Variants in ME3 observed in about 807,000 individuals in gnomAD.
The protein encoded by ME3 is malic enzyme 3.
In ME3, 48 loss-of-function variants were observed where a neutral mutation model predicts 68.9. That is an observed-to-expected ratio of 0.70 (90% CI 0.55 to 0.89). ME3 has a LOEUF of 0.89. Among genes scored for constraint, ME3 ranks in the 40% least tolerant of loss-of-function variants. The probability of loss-of-function intolerance (pLI) is 0.00; values close to 1 mark genes in which losing one functional copy is unlikely to be tolerated. For synonymous variants in ME3, 320 were observed against 318.8 expected, an observed-to-expected ratio of 1.00 and a Z score of -0.04; for missense variants, 675 against 797.4, an observed-to-expected ratio of 0.85 and a Z score of 1.85.
intron 2 of ME3, among the ~76,000 whole-genome samples, chr11:86,626,240 T>C (rs1943658050): frequency 6.6e-6 from 1 of 152,116 alleles, no homozygotes; most frequent in African/African-American, 2.4e-5. Flanking sequence ...GAGAGTACAA[T>C]AGTGAGAGAA....
intron 2 of ME3, among the ~76,000 whole-genome samples, chr11:86,637,212 A>G (rs919739251): frequency 6.6e-6 from 1 of 152,184 alleles, no homozygotes; most frequent in African/African-American, 2.4e-5. Context: ...AACAAATACT[A>G]TGAAGCATCT....
chr11:86,479,316 C>T (rs556588627), intron 7 of ME3, among the ~76,000 whole-genome samples: 1 of 152,302 alleles, frequency 6.6e-6, no homozygotes, highest in South Asian at 2.1e-4. Context: ...AGCTTGCAGA[C>T]ACCATATCAT....
chr11:86,446,306 A>G lies in ME3; in HGVS notation c.1554+8T>C. 6.2e-7 allele frequency: 1 copy of G among 1,613,766 alleles called. No individual in the cohort carries two copies. ...TGCAAGCATTTGAGGGAGCAAGGAC[A>G]GTGATACCTCTGCTGTCAGGAGGAA... On this transcript the variant is annotated splice_region_variant and intron_variant, in intron 13 of 14. Transcript: ENST00000543262.
intron 10 of ME3, among the ~76,000 whole-genome samples, chr11:86,448,985 C>T (rs893696138): frequency 6.6e-6 from 1 of 152,140 alleles, no homozygotes; most frequent in African/African-American, 2.4e-5. Context: ...GCAGCTTACA[C>T]CTGTGGCCAG....
intron 2 of ME3, among the ~76,000 whole-genome samples, chr11:86,598,643 C>T (rs1454544339): frequency 6.6e-6 from 1 of 152,192 alleles, no homozygotes; most frequent in Admixed American, 6.5e-5. Flanking sequence ...GGGAAGACTG[C>T]CTCCTTAAGT....
chr11:86,475,874 T>TATATATAGAGAG, intron 7 of ME3, among the ~76,000 whole-genome samples: 108 of 91,462 alleles, frequency 1.2e-3, no homozygotes, highest in South Asian at 2.1e-3. Context: ...TATATATATA[T>TATATATAGAGAG]AGAGAGAGAG....
intron 2 of ME3, among the ~76,000 whole-genome samples, chr11:86,612,113 C>G (rs772478416): frequency 2.6e-5 from 4 of 152,098 alleles, no homozygotes; most frequent in Non-Finnish European, 4.4e-5. Context: ...CTCTCTGTAT[C>G]CATGTGTTCT....
chr11:86,570,534 A>T (rs1469704438), intron 2 of ME3, among the ~76,000 whole-genome samples: 1 of 152,228 alleles, frequency 6.6e-6, no homozygotes, highest in Non-Finnish European at 1.5e-5. Flanking sequence ...TGGGGATCTC[A>T]GAAACACAGC....
At chr11:86,590,199 A>T (rs182705731) in intron 2 of ME3, among the ~76,000 whole-genome samples, 1 of 152,300 alleles carries the variant, frequency 6.6e-6, no homozygotes, top group Non-Finnish European at 1.5e-5. Context: ...CAGCGTGGCC[A>T]TGCAGAGACT....
At chr11:86,469,298 A>G (rs918480998) in intron 7 of ME3, among the ~76,000 whole-genome samples, 2 of 152,196 alleles carry the variant, frequency 1.3e-5, no homozygotes, top group Non-Finnish European at 2.9e-5. Context: ...AGGTATTTCT[A>G]CAAGTCCAGA....
At chr11:86,668,738 G>A (rs1946730339) in intron 2 of ME3, among the ~76,000 whole-genome samples, 2 of 152,274 alleles carry the variant, frequency 1.3e-5, no homozygotes, top group South Asian at 4.2e-4. Context: ...TCCACCTCCT[G>A]ACCACCCTCT....
At chr11:86,546,413 C>T (rs976007785) in intron 4 of ME3, among the ~76,000 whole-genome samples, 47 of 152,250 alleles carry the variant, frequency 3.1e-4, no homozygotes, top group African/African-American at 1.1e-3. Context: ...GCAATCTATC[C>T]ATCTGACAAA....
intron 2 of ME3, among the ~76,000 whole-genome samples, chr11:86,608,756 C>T (rs771003429): frequency 2.0e-5 from 3 of 152,136 alleles, no homozygotes; most frequent in South Asian, 4.2e-4. Context: ...AGATGAAATA[C>T]ATTGTGAATA....
At chr11:86,477,661 A>G (rs1951161233) in intron 7 of ME3, among the ~76,000 whole-genome samples, 2 of 152,220 alleles carry the variant, frequency 1.3e-5, no homozygotes, top group Admixed American at 1.3e-4. Flanking sequence ...GGAAATAGCC[A>G]GCTAGTGTCA....
intron 6 of ME3, among the ~76,000 whole-genome samples, chr11:86,494,470 A>T (rs1952189475): frequency 6.6e-6 from 1 of 152,088 alleles, no homozygotes; most frequent in African/African-American, 2.4e-5. Flanking sequence ...TCCTTATCTG[A>T]AAATTGGGAG....
chr11:86,437,023 A>G (rs922415906), downstream of ME3: 3 of 152,158 alleles, frequency 2.0e-5, no homozygotes, highest in African/African-American at 7.2e-5. Context: ...AATCATTACC[A>G]AAATACTGCA....
At chr11:86,506,210 T>A (rs1953064664) in intron 5 of ME3, among the ~76,000 whole-genome samples, 2 of 152,226 alleles carry the variant, frequency 1.3e-5, no homozygotes, top group Middle Eastern at 3.4e-3. Flanking sequence ...CCTGCTGGAG[T>A]CCTACCTCTT....
intron 3 of ME3, among the ~76,000 whole-genome samples, chr11:86,558,485 CT>C (rs1957041187): frequency 6.6e-6 from 1 of 152,128 alleles, no homozygotes; most frequent in Non-Finnish European, 1.5e-5. Context: ...GCAGAGGCTT[CT>C]GTGCTCATCA....
chr11:86,578,328 C>T (rs549002737), intron 2 of ME3, among the ~76,000 whole-genome samples: 1 of 152,276 alleles, frequency 6.6e-6, no homozygotes, highest in East Asian at 1.9e-4. Flanking sequence ...GAAGTAGCCT[C>T]TTTCCTCCAG....
Sources: allele counts gnomAD v4.1 joint callset (sites outside exome capture counted in the v4.1 genomes callset), GRCh38; gene constraint gnomAD v4.1.1; transcripts MANE v1.5; gene names NCBI Gene and HGNC (gene_info 2026-07-23, HGNC 2026-07-21).